DNAH6: variants seen among roughly 807,000 people sequenced by gnomAD.
The protein encoded by DNAH6 is dynein axonemal heavy chain 6, also known as axonemal beta dynein heavy chain 6.
Under a neutral mutation model 491.4 loss-of-function variants are expected in DNAH6, and 340 were observed. The observed-to-expected ratio is 0.69, with a 90% CI of 0.63 to 0.76. The LOEUF (loss-of-function observed/expected upper bound fraction) is 0.76, where lower values mean the gene tolerates loss of function less well. Among genes scored for constraint, DNAH6 ranks in the 30% least tolerant of loss-of-function variants. DNAH6 has a pLI of 0.00. For missense variants in DNAH6, 4,443 were observed against 4,972.2 expected, an observed-to-expected ratio of 0.89 and a Z score of 3.20; for synonymous variants, 1,603 against 1,686.1, an observed-to-expected ratio of 0.95 and a Z score of 1.21.
intron 23 of DNAH6, among the ~76,000 whole-genome samples, chr2:84,617,716 A>G (rs1687011741): frequency 6.6e-6 from 1 of 152,028 alleles, no homozygotes; most frequent in Non-Finnish European, 1.5e-5. Context: ...GTATATGTGC[A>G]CAAACATGTG....
intron 33 of DNAH6, among the ~76,000 whole-genome samples, chr2:84,652,623 C>T (rs1690558585): frequency 6.6e-6 from 1 of 151,966 alleles, no homozygotes; most frequent in South Asian, 2.1e-4. Context: ...GACCGCCTTA[C>T]CACAATGTTG....
intron 11 of DNAH6, among the ~76,000 whole-genome samples, chr2:84,559,423 C>T (rs1680421227): frequency 1.3e-5 from 2 of 151,936 alleles, no homozygotes; most frequent in South Asian, 4.1e-4. Context: ...TGCTGCAAAA[C>T]AAAAAAGAAC....
intron 47 of DNAH6, among the ~76,000 whole-genome samples, chr2:84,698,825 G>A (rs1296509005): frequency 6.6e-6 from 1 of 152,136 alleles, no homozygotes; most frequent in Non-Finnish European, 1.5e-5. Context: ...AGAAAAAGTG[G>A]TATGTGCACA....
intron 60 of DNAH6, 82 bp downstream of exon 60, chr2:84,722,886 C>T: frequency 1.2e-6 from 1 of 865,954 alleles, no homozygotes; most frequent in Non-Finnish European, 1.7e-6. Context: ...TTCACATAAG[C>T]CATAAGTCTA....
chr2:84,619,763 A>G lies in DNAH6; in HGVS notation c.3651A>G (p.Leu1217=). The change falls in exon 24 of 77, where the codon TTA becomes TTG. Residue 1217 remains leucine, a synonymous_variant. Coordinates refer to ENST00000389394, the MANE Select transcript of DNAH6 (RefSeq NM_001370.2). ...TRNPQAVQPH[L]RKCFDSISKL... is the part of the protein sequence containing the mutation. ...ATCCACAGGCCGTGCAGCCACACTT[A>G]AGGAAATGCTTCGACTCCATTTCAA... 1 of 1,551,658 alleles carries G rather than the reference A, an allele frequency of 6.4e-7. No homozygotes were observed. The highest frequency in any genetic ancestry group is 8.7e-7 in the Non-Finnish European group (1 of 1,146,862).
intron 18 of DNAH6, 64 bp downstream of exon 18, chr2:84,595,853 G>A (rs900386488): frequency 5.7e-6 from 8 of 1,403,222 alleles, no homozygotes; most frequent in African/African-American, 1.5e-5. Flanking sequence ...ATGCTAATGA[G>A]ACCAAAATCA....
intron 26 of DNAH6, among the ~76,000 whole-genome samples, chr2:84,623,540 T>C (rs1202665738): frequency 1.3e-5 from 2 of 152,146 alleles, no homozygotes; most frequent in African/African-American, 4.8e-5. Context: ...AAAACAACTT[T>C]ATTGAAGTAA....
chr2:84,767,861 A>G (rs1239165610), intron 64 of DNAH6, among the ~76,000 whole-genome samples: 1 of 152,162 alleles, frequency 6.6e-6, no homozygotes, highest in Non-Finnish European at 1.5e-5. Flanking sequence ...TAGACCCATT[A>G]CAGTGAATTG....
intron 4 of DNAH6, among the ~76,000 whole-genome samples, chr2:84,533,590 C>G (rs894363434): frequency 6.6e-6 from 1 of 152,092 alleles, no homozygotes; most frequent in African/African-American, 2.4e-5. Context: ...TATGATTTTA[C>G]TAGTTGGAGG....
chr2:84,536,435 T>C (rs1677695793), intron 4 of DNAH6, among the ~76,000 whole-genome samples: 1 of 152,132 alleles, frequency 6.6e-6, no homozygotes, highest in African/African-American at 2.4e-5. Context: ...AAAATGGTTC[T>C]CATGATTTTT....
At chr2:84,758,965 A>G (rs1674312716) in intron 63 of DNAH6, among the ~76,000 whole-genome samples, 2 of 152,214 alleles carry the variant, frequency 1.3e-5, no homozygotes, top group Admixed American at 6.5e-5. Flanking sequence ...AGAAAGAAGT[A>G]AAAGGCATAC....
Position 84,814,192 on chromosome 2 carries a change from T to C in DNAH6, c.12150+70T>C, listed in dbSNP as rs1192359. 296,768 of 1,472,786 alleles carry C rather than the reference T, an allele frequency of 0.2. 31,022 individuals carry two copies. The highest frequency in any genetic ancestry group is 0.34 in the African/African-American group (24,239 of 71,322). The allele number at this position is 1,472,786 out of a possible 1,614,324, so 91.2% of individuals were successfully genotyped here. ...TGTCTTTGAAGATTTCAGACAACCT[T>C]CCATGCCCCACTCCCCCACCACCTC... is the stretch of plus-strand genomic sequence containing the variant. On this transcript the variant is annotated intron_variant, in intron 75 of 76. Transcript: ENST00000389394.
At chr2:84,479,088 T>C in the DNAH6 span, among the ~76,000 whole-genome samples, 2 of 151,752 alleles carry the variant, frequency 1.3e-5, no homozygotes, top group Admixed American at 1.3e-4. Context: ...GCTGTCCCTC[T>C]GAAGTCAAGC....
At chr2:84,670,229 T>C (rs934451980) in intron 38 of DNAH6, 99 bp from the exon 39 acceptor site, 28 of 799,140 alleles carry the variant, frequency 3.5e-5, no homozygotes, top group Non-Finnish European at 5.2e-5. Flanking sequence ...TTAACCTCTC[T>C]CTTTTTATCC....
chr2:84,677,257 G>A, intron 41 of DNAH6, 121 bp downstream of exon 41: 4 of 1,308,278 alleles, frequency 3.1e-6, no homozygotes, highest in Non-Finnish European at 4.2e-6. Context: ...TCTTTCCTGA[G>A]CAGGAAGCAG....
At chr2:84,635,654 A>C (rs1045990455) in intron 30 of DNAH6, among the ~76,000 whole-genome samples, 4 of 152,228 alleles carry the variant, frequency 2.6e-5, no homozygotes, top group Non-Finnish European at 4.4e-5. Flanking sequence ...GAGCAGCTAC[A>C]TGAGGACAGA....
chr2:84,718,705 T>C (rs998067575), intron 59 of DNAH6, among the ~76,000 whole-genome samples: 18 of 152,258 alleles, frequency 1.2e-4, no homozygotes, highest in Admixed American at 1.2e-3. Context: ...CTGTCTGATA[T>C]TCCCAGTTGG....
intron 63 of DNAH6, among the ~76,000 whole-genome samples, chr2:84,747,666 C>G (rs919940088): frequency 1.3e-5 from 2 of 152,208 alleles, no homozygotes; most frequent in African/African-American, 4.8e-5. Flanking sequence ...CTGGTGGGGA[C>G]TCTGTGTGGG....
intron 45 of DNAH6, among the ~76,000 whole-genome samples, chr2:84,693,236 T>C (rs989989262): frequency 1.3e-5 from 2 of 152,186 alleles, no homozygotes; most frequent in African/African-American, 2.4e-5. Flanking sequence ...TTAAGATTGC[T>C]ATCTTTTTTC....
Sources: gnomAD v4.1 joint callset for allele counts (sites outside exome capture counted in the v4.1 genomes callset) on GRCh38, gnomAD v4.1.1 for gene constraint, MANE v1.5 for transcripts, NCBI Gene and HGNC (gene_info 2026-07-23, HGNC 2026-07-21) for gene names.